SDCCAG8: variants seen among roughly 807,000 people sequenced by gnomAD.
SDCCAG8 encodes the protein SHH signaling and ciliogenesis regulator SDCCAG8.
A neutral mutation model predicts 101.8 loss-of-function variants in SDCCAG8; 74 were observed. The ratio of observed to expected loss-of-function variants is 0.73; its 90% CI spans 0.60 to 0.88. The LOEUF (loss-of-function observed/expected upper bound fraction) is 0.88. SDCCAG8 is among the 40% of genes least tolerant of loss of function. The pLI, the probability that SDCCAG8 is intolerant of heterozygous loss-of-function variation, is 0.00. For missense variants in SDCCAG8, 787 were observed against 822.6 expected, an observed-to-expected ratio of 0.96 and a Z score of 0.53; for synonymous variants, 281 against 292.9, an observed-to-expected ratio of 0.96 and a Z score of 0.41.
chr1:243,441,642 C>G (rs1229796613), intron 16 of SDCCAG8, among the ~76,000 whole-genome samples: 1 of 152,078 alleles, frequency 6.6e-6, no homozygotes, highest in Non-Finnish European at 1.5e-5. Flanking sequence ...AATCAAAAAT[C>G]TAGTTGTCAG....
intron 17 of SDCCAG8, among the ~76,000 whole-genome samples, chr1:243,499,472 G>T (rs1366552828): frequency 6.6e-6 from 1 of 152,100 alleles, no homozygotes. Context: ...CTCTGGCCAT[G>T]TCCTAACACC....
intron 12 of SDCCAG8, 137 bp from the exon 13 acceptor site, chr1:243,378,582 CAT>C: frequency 1.2e-6 from 1 of 861,132 alleles, no homozygotes; most frequent in Non-Finnish European, 1.8e-6. Flanking sequence ...TTCCTTTTGT[CAT>C]AAAATGGAAG....
chr1:243,376,497 C>T (rs895016212), intron 12 of SDCCAG8, among the ~76,000 whole-genome samples: 1 of 152,150 alleles, frequency 6.6e-6, no homozygotes, highest in Non-Finnish European at 1.5e-5. Flanking sequence ...AAGAAAGCAG[C>T]TAATTTGTAC....
chr1:243,359,426 GGAT>G (rs1172047931), intron 12 of SDCCAG8, among the ~76,000 whole-genome samples: 1 of 152,068 alleles, frequency 6.6e-6, no homozygotes, highest in Non-Finnish European at 1.5e-5. Flanking sequence ...TATGGTGTGT[GGAT>G]GATCTTAATA....
chr1:243,448,190 C>G (rs2083079335), intron 16 of SDCCAG8, among the ~76,000 whole-genome samples: 1 of 152,148 alleles, frequency 6.6e-6, no homozygotes, highest in Non-Finnish European at 1.5e-5. Flanking sequence ...GCTTCTGGGA[C>G]CTTGTCAAGG....
At chr1:243,496,696 AAGC>A (rs1188240848) in intron 17 of SDCCAG8, among the ~76,000 whole-genome samples, 11 of 152,334 alleles carry the variant, frequency 7.2e-5, no homozygotes, top group South Asian at 4.1e-4. Context: ...TTTGGGAACA[AAGC>A]AGCAGCAAAG....
intron 10 of SDCCAG8, among the ~76,000 whole-genome samples, chr1:243,335,623 C>T (rs1553315135): frequency 1.3e-5 from 2 of 152,072 alleles, no homozygotes; most frequent in Non-Finnish European, 2.9e-5. Context: ...TTTTATGTAT[C>T]ATTTATTTAT....
At chr1:243,292,263 G>A (rs1474385130) in intron 5 of SDCCAG8, among the ~76,000 whole-genome samples, 1 of 152,176 alleles carries the variant, frequency 6.6e-6, no homozygotes, top group Non-Finnish European at 1.5e-5. Flanking sequence ...TGAGGTGGGG[G>A]AGTGGGGCTG....
chr1:243,479,332 G>A (rs576652161), intron 16 of SDCCAG8, among the ~76,000 whole-genome samples: 12 of 152,310 alleles, frequency 7.9e-5, no homozygotes, highest in East Asian at 1.9e-4. Context: ...TTCTAGCCCC[G>A]AGGCTGGCAA....
intron 16 of SDCCAG8, among the ~76,000 whole-genome samples, chr1:243,480,600 TG>T (rs1663415853): frequency 9.3e-4 from 1 of 1,076 alleles, no homozygotes; most frequent in Non-Finnish European, 2.2e-3. Context: ...GGTGGATGGG[TG>T]GGATGGATGG....
At chr1:243,493,334 C>T (rs1053761980) in intron 17 of SDCCAG8, among the ~76,000 whole-genome samples, 1 of 152,044 alleles carries the variant, frequency 6.6e-6, no homozygotes, top group African/African-American at 2.4e-5. Flanking sequence ...AGCCTGGGGG[C>T]TCTAACATCT....
chr1:243,373,259 T>C (rs1358216281), intron 12 of SDCCAG8, among the ~76,000 whole-genome samples: 2 of 152,102 alleles, frequency 1.3e-5, no homozygotes, highest in Non-Finnish European at 2.9e-5. Context: ...ATTTTCAATG[T>C]CTTCAACCCA....
intron 16 of SDCCAG8, among the ~76,000 whole-genome samples, chr1:243,456,703 G>T (rs1274961696): frequency 3.3e-5 from 5 of 152,104 alleles, no homozygotes; most frequent in Non-Finnish European, 7.4e-5. Flanking sequence ...TAAAGGGGTA[G>T]GGGATTATTT....
chr1:243,477,410 G>A (rs1002728027), intron 16 of SDCCAG8, among the ~76,000 whole-genome samples: 1 of 152,162 alleles, frequency 6.6e-6, no homozygotes, highest in East Asian at 1.9e-4. Flanking sequence ...CTTACTTCAG[G>A]CAGATGGTCT....
intron 12 of SDCCAG8, among the ~76,000 whole-genome samples, chr1:243,369,085 T>C (rs1336644030): frequency 6.6e-6 from 1 of 152,156 alleles, no homozygotes; most frequent in Non-Finnish European, 1.5e-5. Context: ...TTTAATGGTC[T>C]ACATGGATTT....
chr1:243,470,348 T>C (rs1022471780), intron 16 of SDCCAG8, among the ~76,000 whole-genome samples: 4 of 152,224 alleles, frequency 2.6e-5, no homozygotes, highest in Non-Finnish European at 4.4e-5. Flanking sequence ...AGGAAACCCA[T>C]ACTTTTCACC....
intron 17 of SDCCAG8, among the ~76,000 whole-genome samples, chr1:243,492,319 T>TTTTTTA (rs1666678806): frequency 7.0e-6 from 1 of 142,980 alleles, no homozygotes; most frequent in African/African-American, 2.6e-5. Context: ...TTTTTTTTTT[T>TTTTTTA]GAGACGGAGT....
At chr1:243,322,425 G>T (rs2073831857) in intron 9 of SDCCAG8, among the ~76,000 whole-genome samples, 1 of 152,154 alleles carries the variant, frequency 6.6e-6, no homozygotes, top group African/African-American at 2.4e-5. Flanking sequence ...TAAAAATAAA[G>T]TAAAAACAAT....
At chr1:243,258,202 C>T (rs74150959) in intron 1 of SDCCAG8, among the ~76,000 whole-genome samples, 10,038 of 148,290 alleles carry the variant, frequency 0.068, 1,100 homozygotes, top group African/African-American at 0.23. Flanking sequence ...TAAAAAAAAA[C>T]GTATTCATAA....
Sources: allele counts gnomAD v4.1 joint callset (sites outside exome capture counted in the v4.1 genomes callset), GRCh38; gene constraint gnomAD v4.1.1; transcripts MANE v1.5; gene names NCBI Gene and HGNC (gene_info 2026-07-23, HGNC 2026-07-21).